ZBTB40: variants seen among roughly 807,000 people sequenced by gnomAD.
ZBTB40 encodes the protein zinc finger and BTB domain containing 40.
ZBTB40 carries 60 observed loss-of-function variants against 117.5 expected under a neutral mutation model. The ratio of observed to expected loss-of-function variants is 0.51; its 90% CI spans 0.41 to 0.63. The LOEUF is 0.63. Among genes scored for constraint, ZBTB40 ranks in the 30% least tolerant of loss-of-function variants. ZBTB40 has a pLI of 0.00. For missense variants in ZBTB40, 1,287 were observed against 1,498.5 expected (o/e 0.86, Z 2.33); for synonymous variants, 525 against 577.1 (o/e 0.91, Z 1.29).
intron 5 of ZBTB40, among the ~76,000 whole-genome samples, chr1:22,505,550 A>T (rs114830329): frequency 6.6e-6 from 1 of 152,212 alleles, no homozygotes; most frequent in East Asian, 1.9e-4. Context: ...CAGACTAATT[A>T]TACAAATTAT....
chr1:22,501,741 G>GTC, intron 4 of ZBTB40, 57 bp downstream of exon 4: 1 of 1,566,034 alleles, frequency 6.4e-7, no homozygotes, highest in Non-Finnish European at 8.7e-7. Context: ...ATGATGCTAT[G>GTC]AAGTTTGTTC....
Position 22,511,883 on chromosome 1 carries a change from T to C in ZBTB40, c.2210T>C (p.Ile737Thr). The change falls in exon 11 of 18, where the codon ATC becomes ACC. Residue 737 changes from isoleucine (I) to threonine (T), a missense_variant. Around this residue, in one of 2 missense-constraint regions of ZBTB40, gnomAD observed 870 missense variants for 934.4 expected, o/e 0.93. Transcript: ENST00000375647. Reference protein sequence around the residue: ...ASPDPAKKSFICKACDKSFHF... With the variant: ...ASPDPAKKSFTCKACDKSFHF... ...CCAGACCCTGCCAAGAAGAGCTTCATCTGTAAGGCCTGCGACAAAAGCTTC... is the reference window on the plus strand; with the variant it reads ...CCAGACCCTGCCAAGAAGAGCTTCACCTGTAAGGCCTGCGACAAAAGCTTC... 1 of 1,614,166 alleles carries C rather than the reference T, an allele frequency of 6.2e-7. No individual in the cohort carries two copies. The highest frequency in any genetic ancestry group is 8.5e-7 in the Non-Finnish European group (1 of 1,180,022).
At chr1:22,462,365 A>G (rs999321679) in intron 1 of ZBTB40, among the ~76,000 whole-genome samples, 1 of 152,182 alleles carries the variant, frequency 6.6e-6, no homozygotes, top group African/African-American at 2.4e-5. Context: ...AAGTGGGGTT[A>G]ATAATAGTAA....
chr1:22,527,605 G>C lies in ZBTB40; in HGVS notation c.*1209G>C, dbSNP rs1284664722. The stretch of plus-strand genomic sequence containing the variant: ...CCAAAGGTTGGAGTCTGCTGGTGCG[G>C]TGTTTACACACCAGGCAGGGCTGTC... On this transcript the variant is annotated 3_prime_UTR_variant, in exon 18 of 18. Transcript: ENST00000375647. 4 of 152,390 alleles carry C rather than the reference G, an allele frequency of 2.6e-5. No individual in the cohort carries two copies. Among genetic ancestry groups the C allele is most frequent in the African/African-American group, 9.6e-5 (4 of 41,452 alleles). 9.4% of individuals were successfully genotyped at this position (152,390 alleles called of 1,614,324 possible).
chr1:22,479,550 T>C (rs1638231564), intron 1 of ZBTB40, among the ~76,000 whole-genome samples: 1 of 152,198 alleles, frequency 6.6e-6, no homozygotes, highest in South Asian at 2.1e-4. Flanking sequence ...TTGTCATTCT[T>C]TTGTAAATAA....
At chr1:22,464,033 A>G (rs978511219) in intron 1 of ZBTB40, among the ~76,000 whole-genome samples, 7 of 152,254 alleles carry the variant, frequency 4.6e-5, no homozygotes, top group Non-Finnish European at 8.8e-5. Context: ...GTGGTGGGGC[A>G]GTGATCATGA....
chr1:22,456,404 C>G (rs1007285273), intron 1 of ZBTB40, among the ~76,000 whole-genome samples: 1 of 152,140 alleles, frequency 6.6e-6, no homozygotes, highest in Non-Finnish European at 1.5e-5. Context: ...TATGCTGATC[C>G]ATGTAAGTCA....
rs777430840 is a variant in ZBTB40, at chr1:22,511,962, C to G, written c.2289C>G (p.Ser763Arg). ...TGAAGCGCTGCCGGGTGGCTAAGAG[C>G]AAACAGGTGCAGTGTAAGGAGTGCA... ...VHMKRCRVAK[S>R]KQVQCKECSE... The change falls in exon 11 of 18, where the codon AGC (serine) becomes AGG (arginine). Residue 763 changes from serine to arginine, a missense_variant. By Grantham distance (110) the Ser-to-Arg change is moderately radical. Around this residue, in one of 2 missense-constraint regions of ZBTB40, gnomAD observed 870 missense variants for 934.4 expected, o/e 0.93. Transcript: ENST00000375647. The G allele has an allele frequency of 1.2e-6, 2 of 1,614,198 alleles. No homozygotes were observed. The highest frequency in any genetic ancestry group is 1.1e-5 in the South Asian group (1 of 91,082).
At chr1:22,482,461 TTA>T (rs1397852230) in intron 1 of ZBTB40, among the ~76,000 whole-genome samples, 1 of 152,220 alleles carries the variant, frequency 6.6e-6, no homozygotes, top group Non-Finnish European at 1.5e-5. Context: ...GGTACATTTC[TTA>T]TAATTGATGA....
At chr1:22,482,263 G>A (rs145603780) in intron 1 of ZBTB40, among the ~76,000 whole-genome samples, 227 of 152,282 alleles carry the variant, frequency 1.5e-3, no homozygotes, top group African/African-American at 4.8e-3. Context: ...GGGGCTTGGG[G>A]TAGTTAGAAC....
intron 9 of ZBTB40, among the ~76,000 whole-genome samples, chr1:22,510,671 A>G (rs1639208173): frequency 6.6e-6 from 1 of 152,166 alleles, no homozygotes; most frequent in South Asian, 2.1e-4. Context: ...TAAAACGCTG[A>G]GTTTCTTTGT....
chr1:22,488,759 T>G (rs921789633), intron 1 of ZBTB40, among the ~76,000 whole-genome samples: 4 of 152,170 alleles, frequency 2.6e-5, no homozygotes, highest in African/African-American at 9.7e-5. Context: ...TCTGGCTGTG[T>G]GTTAAGTAGA....
intron 1 of ZBTB40, among the ~76,000 whole-genome samples, chr1:22,436,294 G>A (rs549433162): frequency 6.6e-5 from 10 of 152,148 alleles, no homozygotes; most frequent in East Asian, 3.9e-4. Flanking sequence ...GGTGGATCAC[G>A]AGGTCAGGAG....
chr1:22,435,210 A>G (rs114494212), intron 1 of ZBTB40, among the ~76,000 whole-genome samples: 6,393 of 152,158 alleles, frequency 0.042, 180 homozygotes, highest in Non-Finnish European at 0.065. Context: ...TATGTTGCCC[A>G]GGCTGGTTTT....
intron 12 of ZBTB40, among the ~76,000 whole-genome samples, chr1:22,517,090 C>T (rs1244292813): frequency 1.3e-5 from 2 of 152,162 alleles, no homozygotes; most frequent in Non-Finnish European, 2.9e-5. Flanking sequence ...TGTCCAACCA[C>T]ACTCGCACCT....
chr1:22,459,151 T>C (rs568942684), intron 1 of ZBTB40, among the ~76,000 whole-genome samples: 21 of 152,360 alleles, frequency 1.4e-4, no homozygotes, highest in African/African-American at 5.0e-4. Flanking sequence ...CCAGTTGTCA[T>C]ATGCTTGACT....
intron 1 of ZBTB40, among the ~76,000 whole-genome samples, chr1:22,429,300 G>A (rs1425734398): frequency 6.6e-6 from 1 of 151,926 alleles, no homozygotes; most frequent in Non-Finnish European, 1.5e-5. Flanking sequence ...GAGAATGGCT[G>A]AACCCGGAAG....
Position 22,526,059 on chromosome 1 carries a change from G to A in ZBTB40, c.3526-143G>A, listed in dbSNP as rs1156968442. 3.3e-6 allele frequency: 3 copies of A among 920,482 alleles called. No individual in the cohort carries two copies. The East Asian group carries it at 7.9e-5, about 24-fold the overall frequency. The allele number at this position is 920,482 out of a possible 1,614,324, so 57.0% of individuals were successfully genotyped here. On this transcript the variant is annotated intron_variant, in intron 17 of 17. Coordinates refer to ENST00000375647, the MANE Select transcript of ZBTB40 (RefSeq NM_014870.4). Reference sequence around the variant, plus strand: ...TTTGCATCGCCAGTGGGTTAGACTTGCCTCTTCCCATTAGGCACATGTAAG... The same window carrying A: ...TTTGCATCGCCAGTGGGTTAGACTTACCTCTTCCCATTAGGCACATGTAAG...
At chr1:22,432,170 C>T (rs1488292829) in intron 1 of ZBTB40, among the ~76,000 whole-genome samples, 1 of 152,172 alleles carries the variant, frequency 6.6e-6, no homozygotes, top group African/African-American at 2.4e-5. Flanking sequence ...GGCTTCTCTT[C>T]CTGGTTCTGG....
Sources: gnomAD v4.1 joint callset for allele counts (sites outside exome capture counted in the v4.1 genomes callset) on GRCh38, gnomAD v4.1.1 for gene constraint, gnomAD v4.1.1 regional missense constraint, MANE v1.5 for transcripts, NCBI Gene and HGNC (gene_info 2026-07-23, HGNC 2026-07-21) for gene names.